Variants in CDH18 observed in about 807,000 individuals in gnomAD.
The protein encoded by CDH18 is cadherin-18.
CDH18 carries 31 observed loss-of-function variants against 67.9 expected under a neutral mutation model. The observed-to-expected ratio is 0.46, with a 90% CI of 0.34 to 0.62. The LOEUF (loss-of-function observed/expected upper bound fraction) is 0.62, where lower values mean the gene tolerates loss of function less well. Among genes scored for constraint, CDH18 ranks in the 20% least tolerant of loss-of-function variants. CDH18 has a pLI of 0.01. For missense variants in CDH18, 890 were observed against 975.5 expected (o/e 0.91, Z 1.17); for synonymous variants, 362 against 347.2 (o/e 1.04, Z -0.48).
intron 2 of CDH18, among the ~76,000 whole-genome samples, chr5:19,864,091 C>T (rs1050983596): frequency 1.3e-4 from 20 of 150,732 alleles, no homozygotes; most frequent in Admixed American, 8.6e-4. Context: ...ATGTTTATTG[C>T]GGCACTATTC....
At chr5:19,478,047 T>A (rs2126539294) in intron 12 of CDH18, among the ~76,000 whole-genome samples, 1 of 152,262 alleles carries the variant, frequency 6.6e-6, no homozygotes, top group Non-Finnish European at 1.5e-5. Flanking sequence ...AGAATAAATT[T>A]GTGGAGTTTT....
chr5:19,960,655 A>G (rs1164853154), intron 2 of CDH18, among the ~76,000 whole-genome samples: 1 of 127,746 alleles, frequency 7.8e-6, no homozygotes, highest in Non-Finnish European at 1.5e-5. Context: ...ACACGTGTAT[A>G]TATATATACA....
At chr5:19,551,122 G>A (rs1382378886) in intron 8 of CDH18, among the ~76,000 whole-genome samples, 1 of 152,108 alleles carries the variant, frequency 6.6e-6, no homozygotes, top group Non-Finnish European at 1.5e-5. Flanking sequence ...AAAATGTCAA[G>A]GATGTTTGGA....
At chr5:20,402,801 G>T (rs1015622537) in intron 1 of CDH18, among the ~76,000 whole-genome samples, 1 of 151,950 alleles carries the variant, frequency 6.6e-6, no homozygotes. Flanking sequence ...CCCACTACTC[G>T]GGAGGCTGAG....
At chr5:20,342,948 C>A (rs1740394290) in intron 1 of CDH18, among the ~76,000 whole-genome samples, 1 of 152,046 alleles carries the variant, frequency 6.6e-6, no homozygotes, top group South Asian at 2.1e-4. Flanking sequence ...GAAGATATAC[C>A]CTTCACCAAT....
At chr5:19,507,603 T>C (rs891645886) in intron 10 of CDH18, among the ~76,000 whole-genome samples, 11 of 152,088 alleles carry the variant, frequency 7.2e-5, no homozygotes, top group Non-Finnish European at 1.2e-4. Flanking sequence ...ATGTCCTTTG[T>C]AGGGACATGG....
chr5:20,071,052 A>T (rs10067233), intron 2 of CDH18, among the ~76,000 whole-genome samples: 151,077 of 152,248 alleles, frequency 0.99, 74,969 homozygotes, highest in Middle Eastern at 1. Flanking sequence ...TGAGGCTATG[A>T]AAACATATCC....
intron 2 of CDH18, among the ~76,000 whole-genome samples, chr5:20,040,646 C>T (rs566068731): frequency 6.6e-5 from 10 of 152,152 alleles, no homozygotes; most frequent in African/African-American, 2.4e-4. Flanking sequence ...GAGAGTATTG[C>T]TTGTTGTTCA....
At chr5:19,907,028 G>GT (rs1332826115) in intron 2 of CDH18, among the ~76,000 whole-genome samples, 1 of 151,922 alleles carries the variant, frequency 6.6e-6, no homozygotes, top group Non-Finnish European at 1.5e-5. Context: ...CTACTCTAAG[G>GT]TATCTAAAAT....
intron 2 of CDH18, chr5:19,878,216 T>A (rs942801221): frequency 6.6e-6 from 1 of 152,116 alleles, no homozygotes; most frequent in African/African-American, 2.4e-5. Context: ...ATTGCCAATA[T>A]TTTTGAGAGA....
intron 2 of CDH18, among the ~76,000 whole-genome samples, chr5:20,252,982 G>A (rs1042605540): frequency 9.3e-5 from 14 of 151,166 alleles, no homozygotes; most frequent in Admixed American, 7.9e-4. Flanking sequence ...ATTCATTTGA[G>A]AAAACAATAG....
chr5:20,149,280 G>C (rs2126560310), intron 2 of CDH18, among the ~76,000 whole-genome samples: 1 of 151,980 alleles, frequency 6.6e-6, no homozygotes, highest in African/African-American at 2.4e-5. Context: ...TCTCAATGGG[G>C]GTGTCTGCAT....
chr5:20,271,301 C>G (rs1417296886), intron 1 of CDH18, among the ~76,000 whole-genome samples: 1 of 152,066 alleles, frequency 6.6e-6, no homozygotes, highest in Non-Finnish European at 1.5e-5. Context: ...TCACGAGAGG[C>G]TGGTCAATGA....
chr5:20,122,883 T>C (rs1748485393), intron 2 of CDH18, among the ~76,000 whole-genome samples: 1 of 148,256 alleles, frequency 6.7e-6, no homozygotes. Context: ...TTCTGTACCA[T>C]AAGGTATTTA....
At chr5:19,971,670 C>G (rs927686452) in intron 2 of CDH18, among the ~76,000 whole-genome samples, 3 of 151,842 alleles carry the variant, frequency 2.0e-5, no homozygotes, top group Non-Finnish European at 4.4e-5. Context: ...TAGAGGAGAA[C>G]AACACACACT....
At chr5:20,233,761 C>A (rs1420195931) in intron 2 of CDH18, among the ~76,000 whole-genome samples, 1 of 152,050 alleles carries the variant, frequency 6.6e-6, no homozygotes, top group African/African-American at 2.4e-5. Flanking sequence ...TTTTACTAAT[C>A]TGAAACATCT....
At chr5:19,836,735 T>C (rs927241029) in intron 3 of CDH18, among the ~76,000 whole-genome samples, 2 of 152,206 alleles carry the variant, frequency 1.3e-5, no homozygotes, top group African/African-American at 4.8e-5. Flanking sequence ...AGTCATGAAG[T>C]CTTTGCCCAC....
intron 1 of CDH18, among the ~76,000 whole-genome samples, chr5:20,350,322 G>A (rs2150056006): frequency 6.6e-6 from 1 of 152,102 alleles, no homozygotes; most frequent in African/African-American, 2.4e-5. Flanking sequence ...TGTGTTTTAT[G>A]ATATGTTTCA....
intron 1 of CDH18, among the ~76,000 whole-genome samples, chr5:20,493,713 A>G (rs1371675778): frequency 6.6e-6 from 1 of 152,124 alleles, no homozygotes; most frequent in Non-Finnish European, 1.5e-5. Context: ...AAGCATGGGA[A>G]GAAATGGGGA....
Sources: gnomAD v4.1 joint callset for allele counts (sites outside exome capture counted in the v4.1 genomes callset) on GRCh38, gnomAD v4.1.1 for gene constraint, MANE v1.5 for transcripts, NCBI Gene and HGNC (gene_info 2026-07-23, HGNC 2026-07-21) for gene names.